CCSER1: variants seen among roughly 807,000 people sequenced by gnomAD.
CCSER1 encodes coiled-coil serine rich protein 1.
In CCSER1, 41 loss-of-function variants were observed where a neutral mutation model predicts 82.0. The observed-to-expected ratio is 0.50, with a 90% CI of 0.39 to 0.65. The LOEUF (loss-of-function observed/expected upper bound fraction) is 0.65. Ranked by LOEUF, CCSER1 falls within the 30% of genes least tolerant of loss-of-function variation. CCSER1 has a pLI of 0.00. For synonymous variants in CCSER1, 414 were observed against 383.9 expected (o/e 1.08, Z -0.92); for missense variants, 1,119 against 1,064.2 (o/e 1.05, Z -0.72).
chr4:90,711,240 T>G (rs1173619063), intron 6 of CCSER1, among the ~76,000 whole-genome samples: 1 of 152,106 alleles, frequency 6.6e-6, no homozygotes, highest in East Asian at 1.9e-4. Flanking sequence ...GCTGATATGG[T>G]TGGGTTTTCT....
intron 9 of CCSER1, among the ~76,000 whole-genome samples, chr4:90,932,933 A>AGAAG (rs1730093982): frequency 3.0e-5 from 1 of 32,928 alleles, no homozygotes; most frequent in East Asian, 5.4e-4. Context: ...AAAGAAAGAA[A>AGAAG]GAAAGAAAGA....
intron 8 of CCSER1, among the ~76,000 whole-genome samples, chr4:90,879,122 C>T (rs1340955279): frequency 6.6e-6 from 1 of 152,084 alleles, no homozygotes; most frequent in Non-Finnish European, 1.5e-5. Flanking sequence ...AACTTCACTG[C>T]CTTTATTTTT....
Position 90,312,899 on chromosome 4 carries a change from G to A in CCSER1, c.1361G>A (p.Arg454Lys), listed in dbSNP as rs373593209. The A allele has an allele frequency of 2.5e-6, 4 of 1,579,862 alleles. No individual in the cohort carries two copies. The African/African-American group carries it at 5.4e-5, about 21-fold the overall frequency. ...ASSLSPFREGRFIERRLRSSS... is the reference protein window; with the variant it reads ...ASSLSPFREGKFIERRLRSSS... ...AGTCTCAGTCCATTTCGTGAAGGAA[G>A]ATTTATAGAGAGGAGACTGCGATCC... The change falls in exon 3 of 11, where the codon AGA (arginine) becomes AAA (lysine). Residue 454 changes from arginine (R) to lysine (K), a missense_variant. By Grantham distance (26) the Arg-to-Lys change is conservative. Coordinates refer to ENST00000509176, the MANE Select transcript of CCSER1 (RefSeq NM_001145065.2).
intron 10 of CCSER1, among the ~76,000 whole-genome samples, chr4:91,351,379 TA>T (rs923461163): frequency 1.1e-4 from 17 of 152,046 alleles, no homozygotes; most frequent in African/African-American, 3.9e-4. Context: ...TATTTATTGA[TA>T]AAAAATGAGA....
At position 90,491,841 on chromosome 4, in the gene CCSER1, C is replaced by G. The variant is rs373631786; in HGVS notation, c.1724+23487C>G. ...AGTTTATTGATTTGCATATGTTGAA[C>G]CAGCCTTGCATCCCAGGGATGAAGC... On this transcript the variant is annotated intron_variant, in intron 5 of 10. Transcript: ENST00000509176. Among the ~76,000 whole-genome samples the G allele has an allele frequency of 9.0e-3, 1,373 of 152,204 alleles. 13 individuals are homozygous for G. The highest frequency in any genetic ancestry group is 0.01 in the Non-Finnish European group (703 of 68,004).
intron 9 of CCSER1, among the ~76,000 whole-genome samples, chr4:90,961,511 A>G (rs1734048555): frequency 6.6e-6 from 1 of 152,140 alleles, no homozygotes; most frequent in Non-Finnish European, 1.5e-5. Flanking sequence ...ATAGAATAAT[A>G]TGTTGAAAGC....
At chr4:90,872,019 T>C (rs1299934402) in intron 8 of CCSER1, among the ~76,000 whole-genome samples, 1 of 151,868 alleles carries the variant, frequency 6.6e-6, no homozygotes, top group African/African-American at 2.4e-5. Context: ...TCATGGAATA[T>C]CTTTTCTCAT....
At chr4:90,895,368 G>A (rs1723557674) in intron 8 of CCSER1, among the ~76,000 whole-genome samples, 1 of 151,826 alleles carries the variant, frequency 6.6e-6, no homozygotes, top group African/African-American at 2.4e-5. Flanking sequence ...TTGATGATTG[G>A]CTTCCAAGGA....
chr4:90,795,348 T>C (rs185536187), intron 7 of CCSER1, among the ~76,000 whole-genome samples: 18 of 152,050 alleles, frequency 1.2e-4, no homozygotes, highest in South Asian at 4.2e-4. Context: ...TGATTTTGCA[T>C]CCTGAGACTT....
rs149537034 is a variant in CCSER1, at chr4:91,412,756, G to A, written c.2218-185816G>A. On this transcript the variant is annotated intron_variant, in intron 10 of 10. Coordinates refer to ENST00000509176, the MANE Select transcript of CCSER1 (RefSeq NM_001145065.2). ...TGAGACCAGTCTGTAAAGAATGGAA[G>A]TGGTATTTATTCCTTCAAATGCACA... is the stretch of plus-strand genomic sequence containing the variant. Among the ~76,000 whole-genome samples, 209 of 152,238 alleles carry A rather than the reference G, an allele frequency of 1.4e-3. 1 individual carries two copies. Among genetic ancestry groups the A allele is most frequent in the South Asian group, 6.8e-3 (33 of 4,824 alleles).
At chr4:90,316,440 T>C (rs984587236) in intron 3 of CCSER1, among the ~76,000 whole-genome samples, 10 of 152,194 alleles carry the variant, frequency 6.6e-5, no homozygotes, top group African/African-American at 2.2e-4. Context: ...CTGTAAGAGA[T>C]ACAAAAGAGG....
intron 1 of CCSER1, among the ~76,000 whole-genome samples, chr4:90,135,392 T>A (rs535550692): frequency 2.0e-5 from 3 of 151,978 alleles, no homozygotes; most frequent in African/African-American, 2.4e-5. Flanking sequence ...CCTCATTTTT[T>A]AAAAAAAAGA....
intron 10 of CCSER1, among the ~76,000 whole-genome samples, chr4:91,338,156 T>C (rs1747450167): frequency 6.6e-6 from 1 of 152,142 alleles, no homozygotes; most frequent in East Asian, 1.9e-4. Context: ...GTTTGTGCAC[T>C]TTCTTTCTCT....
intron 10 of CCSER1, among the ~76,000 whole-genome samples, chr4:91,537,136 C>A (rs913619185): frequency 6.6e-6 from 1 of 151,998 alleles, no homozygotes; most frequent in Admixed American, 6.6e-5. Flanking sequence ...GTAAAAGGCT[C>A]GAACACATTA....
At chr4:90,315,946 C>T (rs186740374) in intron 3 of CCSER1, among the ~76,000 whole-genome samples, 4 of 152,340 alleles carry the variant, frequency 2.6e-5, no homozygotes, top group African/African-American at 9.6e-5. Context: ...TTGTAGCTGT[C>T]TGTGTGAACA....
At chr4:90,801,616 A>C (rs1029178075) in intron 7 of CCSER1, among the ~76,000 whole-genome samples, 1 of 152,176 alleles carries the variant, frequency 6.6e-6, no homozygotes. Context: ...AAAAAAATAC[A>C]TTTCTAACAT....
intron 10 of CCSER1, among the ~76,000 whole-genome samples, chr4:91,395,385 T>C (rs968763134): frequency 4.6e-5 from 7 of 152,052 alleles, no homozygotes; most frequent in African/African-American, 1.7e-4. Flanking sequence ...GACTTGTTAG[T>C]TTCTGGTAAA....
chr4:90,435,238 C>A (rs1003015699), intron 4 of CCSER1, among the ~76,000 whole-genome samples: 1 of 151,982 alleles, frequency 6.6e-6, no homozygotes, highest in Non-Finnish European at 1.5e-5. Context: ...AGAAAATTTT[C>A]TGCAGACTTT....
chr4:91,432,123 C>A (rs1201224207), intron 10 of CCSER1, among the ~76,000 whole-genome samples: 1 of 152,094 alleles, frequency 6.6e-6, no homozygotes, highest in African/African-American at 2.4e-5. Context: ...CCATCCACCC[C>A]CTCTTGCTGC....
Sources: allele counts gnomAD v4.1 joint callset (sites outside exome capture counted in the v4.1 genomes callset), GRCh38; gene constraint gnomAD v4.1.1; transcripts MANE v1.5; gene names NCBI Gene and HGNC (gene_info 2026-07-23, HGNC 2026-07-21).